GNB4: variants seen among roughly 807,000 people sequenced by gnomAD.
GNB4 encodes the protein guanine nucleotide-binding protein subunit beta-4.
GNB4 carries 28 observed loss-of-function variants against 45.2 expected under a neutral mutation model. The ratio of observed to expected loss-of-function variants is 0.62; its 90% confidence interval spans 0.46 to 0.85. The LOEUF is 0.85. Among genes scored for constraint, GNB4 ranks in the 40% least tolerant of loss-of-function variants. The probability of loss-of-function intolerance (pLI) is 0.00; values close to 1 mark genes in which losing one functional copy is unlikely to be tolerated. For synonymous variants in GNB4, 132 were observed against 143.7 expected (o/e 0.92, Z 0.58); for missense variants, 321 against 425.4 (o/e 0.75, Z 2.16).
intron 5 of GNB4, among the ~76,000 whole-genome samples, chr3:179,415,817 A>G (rs944503752): frequency 6.6e-6 from 1 of 152,238 alleles, no homozygotes; most frequent in Non-Finnish European, 1.5e-5. Flanking sequence ...AAAAACTATT[A>G]TATTACAAAA....
the GNB4 span, among the ~76,000 whole-genome samples, chr3:179,497,870 G>A: frequency 6.6e-6 from 1 of 152,108 alleles, no homozygotes. Flanking sequence ...TCAGTAGTAT[G>A]GCTATTATCA....
At chr3:179,471,150 A>G in the GNB4 span, among the ~76,000 whole-genome samples, 2,235 of 148,674 alleles carry the variant, frequency 0.015, 59 homozygotes, top group African/African-American at 0.053. Flanking sequence ...CTGCACTCCA[A>G]CCTGGGCAAC....
intron 1 of GNB4, among the ~76,000 whole-genome samples, chr3:179,447,293 A>T (rs377368523): frequency 2.0e-5 from 3 of 149,432 alleles, no homozygotes; most frequent in East Asian, 4.0e-4. Context: ...AGAGCAGCAG[A>T]TGAGACTAGA....
chr3:179,405,017 A>T (rs1714421718), intron 9 of GNB4, among the ~76,000 whole-genome samples, 173 bp downstream of exon 9: 1 of 152,206 alleles, frequency 6.6e-6, no homozygotes, highest in South Asian at 2.1e-4. Flanking sequence ...AAGTGTAAAT[A>T]TGGCTTATGG....
At chr3:179,411,519 GA>G (rs922277541) in intron 8 of GNB4, among the ~76,000 whole-genome samples, 5 of 147,716 alleles carry the variant, frequency 3.4e-5, no homozygotes, top group African/African-American at 2.5e-5. Flanking sequence ...TTAAGTGGCT[GA>G]AAAAAAACCA....
intron 1 of GNB4, among the ~76,000 whole-genome samples, chr3:179,449,931 C>T (rs991147443): frequency 2.0e-5 from 3 of 152,184 alleles, no homozygotes; most frequent in Non-Finnish European, 4.4e-5. Flanking sequence ...TACTTACATG[C>T]CAATTGTTTA....
At chr3:179,421,195 C>CG (rs1714970439) in intron 2 of GNB4, among the ~76,000 whole-genome samples, 1 of 152,144 alleles carries the variant, frequency 6.6e-6, no homozygotes, top group Non-Finnish European at 1.5e-5. Context: ...AAAGAAACCC[C>CG]ATATCTCCTA....
intron 8 of GNB4, among the ~76,000 whole-genome samples, chr3:179,409,923 C>T (rs1714601656): frequency 6.6e-6 from 1 of 151,918 alleles, no homozygotes; most frequent in Non-Finnish European, 1.5e-5. Flanking sequence ...GCATTGTAAT[C>T]CCCAAATCCC....
At chr3:179,506,610 C>T in the GNB4 span, among the ~76,000 whole-genome samples, 7 of 152,044 alleles carry the variant, frequency 4.6e-5, no homozygotes, top group African/African-American at 1.7e-4. Context: ...AAAACTTGAA[C>T]GAACTTAGTT....
the GNB4 span, among the ~76,000 whole-genome samples, chr3:179,483,214 T>C: frequency 6.6e-6 from 1 of 152,142 alleles, no homozygotes; most frequent in East Asian, 1.9e-4. Flanking sequence ...TTTTTTCCCT[T>C]CTAATGCTTG....
chr3:179,425,652 G>A (rs1469521614), intron 2 of GNB4, among the ~76,000 whole-genome samples: 1 of 151,988 alleles, frequency 6.6e-6, no homozygotes. Flanking sequence ...TCTATTTTTA[G>A]TAGAGACAGA....
the GNB4 span, among the ~76,000 whole-genome samples, chr3:179,508,049 G>T: frequency 6.6e-6 from 1 of 152,160 alleles, no homozygotes; most frequent in Non-Finnish European, 1.5e-5. Flanking sequence ...AAGTTTGGAG[G>T]CAGAGTTAGT....
intron 1 of GNB4, among the ~76,000 whole-genome samples, chr3:179,437,562 C>CAA (rs113757674): frequency 6.5e-4 from 94 of 145,192 alleles, no homozygotes; most frequent in Admixed American, 3.4e-3. Flanking sequence ...AAGTCTATCT[C>CAA]AAAAAAAAAA....
At chr3:179,493,021 A>T in the GNB4 span, among the ~76,000 whole-genome samples, 1 of 152,198 alleles carries the variant, frequency 6.6e-6, no homozygotes. Context: ...CCCCAGAATG[A>T]TAGCTGCCAC....
chr3:179,446,353 G>A (rs1715726058), intron 1 of GNB4, among the ~76,000 whole-genome samples: 2 of 152,192 alleles, frequency 1.3e-5, no homozygotes, highest in South Asian at 4.1e-4. Flanking sequence ...CTACAGTTGA[G>A]AGAAAGAGGT....
At chr3:179,486,684 G>C in the GNB4 span, among the ~76,000 whole-genome samples, 20 of 152,194 alleles carry the variant, frequency 1.3e-4, no homozygotes, top group Non-Finnish European at 2.6e-4. Context: ...AGCCCAAAGA[G>C]AGAATCTGAG....
intron 5 of GNB4, 49 bp from the exon 6 acceptor site, chr3:179,415,096 A>G (rs115374359): frequency 6.4e-6 from 9 of 1,415,254 alleles, no homozygotes; most frequent in Non-Finnish European, 8.6e-6. Flanking sequence ...ACAGTCATCT[A>G]TTGCATAAAC....
intron 8 of GNB4, chr3:179,410,266 G>C (rs1419010031): frequency 6.6e-6 from 1 of 152,198 alleles, no homozygotes; most frequent in Admixed American, 6.5e-5. Context: ...AAAGATGAGA[G>C]TGAAAGATCA....
At chr3:179,500,421 C>T in the GNB4 span, among the ~76,000 whole-genome samples, 4 of 152,154 alleles carry the variant, frequency 2.6e-5, no homozygotes, top group East Asian at 3.9e-4. Flanking sequence ...CTCAGCCCTC[C>T]GTTCTGTTCC....
Sources: allele counts gnomAD v4.1 joint callset (sites outside exome capture counted in the v4.1 genomes callset), GRCh38; gene constraint gnomAD v4.1.1; transcripts MANE v1.5; gene names NCBI Gene and HGNC (gene_info 2026-07-23, HGNC 2026-07-21).